The following CUX2 variants were observed in gnomAD, a reference collection of about 807,000 sequenced individuals.
CUX2 encodes the protein homeobox protein cut-like 2.
CUX2 carries 40 observed loss-of-function variants against 144.8 expected under a neutral mutation model. The observed-to-expected ratio is 0.28, with a 90% CI of 0.21 to 0.36. The LOEUF is 0.36. Among genes scored for constraint, CUX2 ranks in the 10% least tolerant of loss-of-function variants. The probability of loss-of-function intolerance (pLI) is 1.00; values close to 1 mark genes in which losing one functional copy is unlikely to be tolerated. For synonymous variants in CUX2, 827 were observed against 875.6 expected, an observed-to-expected ratio of 0.94 and a Z score of 0.98; for missense variants, 1,615 against 1,994.0, an observed-to-expected ratio of 0.81 and a Z score of 3.62.
chr12:111,109,829 C>A (rs1349187556), intron 1 of CUX2, among the ~76,000 whole-genome samples: 1 of 151,968 alleles, frequency 6.6e-6, no homozygotes, highest in Non-Finnish European at 1.5e-5. Context: ...TCTCCAACTT[C>A]TTCATTTAGA....
intron 1 of CUX2, among the ~76,000 whole-genome samples, chr12:111,063,767 A>G (rs1451043453): frequency 6.6e-6 from 1 of 152,222 alleles, no homozygotes; most frequent in Non-Finnish European, 1.5e-5. Context: ...TAGCATCGTA[A>G]TCGCTCCAAA....
In CUX2 at chr12:111,308,433, G is replaced by T. The variant is rs1257218022; in HGVS notation, c.1165G>T (p.Ala389Ser). The T allele has an allele frequency of 1.2e-6, 2 of 1,614,126 alleles. No homozygotes were observed. The highest frequency in any genetic ancestry group is 1.7e-6 in the Non-Finnish European group (2 of 1,180,004). The change falls in exon 14 of 22, where the codon GCC (alanine) becomes TCC (serine). Residue 389 changes from alanine to serine, a missense_variant. Ala to Ser is a moderately conservative substitution (Grantham distance 99). Around this residue, in one of 12 missense-constraint regions of CUX2, gnomAD observed 57 missense variants for 60.8 expected, o/e 0.94. Coordinates refer to ENST00000261726, the MANE Select transcript of CUX2 (RefSeq NM_015267.4). ...CCTGCCTCTTGTCTCCTAGGGCATG[G>T]CCAAGCCTGAAGACTCACTGCTTAT... ...SSTCSLPQGM[A>S]KPEDSLLIAK...
intron 3 of CUX2, among the ~76,000 whole-genome samples, chr12:111,221,786 CTGTG>C (rs148816447): frequency 4.0e-5 from 6 of 150,872 alleles, no homozygotes; most frequent in Non-Finnish European, 8.9e-5. Context: ...TTCTTTCTTT[CTGTG>C]TGTGTGTGTG....
chr12:111,192,134 A>G (rs1479047744), intron 1 of CUX2, among the ~76,000 whole-genome samples: 1 of 151,712 alleles, frequency 6.6e-6, no homozygotes, highest in Non-Finnish European at 1.5e-5. Flanking sequence ...TTATTTATTT[A>G]TTTATTTTTG....
rs111447754 is a variant in CUX2, at chr12:111,178,450, T to A, written c.64-35750T>A. Among the ~76,000 whole-genome samples the A allele has an allele frequency of 5.4e-4, 82 of 152,268 alleles. No individual in the cohort carries two copies. Among genetic ancestry groups the A allele is most frequent in the African/African-American group, 2.0e-3 (82 of 41,564 alleles). ...ACTGGGTTCATCCTTGTTCCACAACTTCCTTGGCTCAAGGGTGGACTTATG... is the reference window on the plus strand; with the variant it reads ...ACTGGGTTCATCCTTGTTCCACAACATCCTTGGCTCAAGGGTGGACTTATG... On this transcript the variant is annotated intron_variant, in intron 1 of 21. Transcript: ENST00000261726. The surrounding 1 kb of genome is among the most constrained non-coding windows in gnomAD (Gnocchi z 5.7).
intron 1 of CUX2, among the ~76,000 whole-genome samples, chr12:111,155,540 A>C: frequency 6.6e-6 from 1 of 152,194 alleles, no homozygotes; most frequent in East Asian, 1.9e-4. Context: ...CAAAATTTTC[A>C]TTGGGAAAAT....
chr12:111,258,612 G>A (rs1002738437), intron 3 of CUX2, among the ~76,000 whole-genome samples: 5 of 151,914 alleles, frequency 3.3e-5, no homozygotes, highest in African/African-American at 1.2e-4. Context: ...AAATCTACAC[G>A]GCTCCTGTCT....
chr12:111,209,868 A>G (rs1592841972), intron 1 of CUX2, among the ~76,000 whole-genome samples: 1 of 152,358 alleles, frequency 6.6e-6, no homozygotes, highest in East Asian at 1.9e-4. Flanking sequence ...CTTCAGGCTC[A>G]TTAAAATTAT....
chr12:111,137,715 A>G (rs187251726), intron 1 of CUX2, among the ~76,000 whole-genome samples: 100 of 152,154 alleles, frequency 6.6e-4, no homozygotes, highest in Admixed American at 4.1e-3. Flanking sequence ...GGGTCTCACT[A>G]TGTTGCCCAA....
intron 1 of CUX2, among the ~76,000 whole-genome samples, chr12:111,062,564 G>A (rs928998257): frequency 1.3e-5 from 2 of 152,144 alleles, no homozygotes; most frequent in Admixed American, 6.5e-5. Context: ...GCCACGTGCC[G>A]GAGATGCCCT....
At chr12:111,098,831 G>C (rs902384990) in intron 1 of CUX2, among the ~76,000 whole-genome samples, 1 of 152,212 alleles carries the variant, frequency 6.6e-6, no homozygotes, top group Non-Finnish European at 1.5e-5. Context: ...GCACAAGCTG[G>C]GTATTCATTT....
At chr12:111,179,211 C>T (rs1879020700) in intron 1 of CUX2, among the ~76,000 whole-genome samples, 1 of 152,170 alleles carries the variant, frequency 6.6e-6, no homozygotes, top group Non-Finnish European at 1.5e-5. Context: ...GGGTCAAGGA[C>T]TTTGGAATGC....
rs12311336 is a variant in CUX2, at chr12:111,266,698, A to C, written c.301+2859A>C. ...TTGGACTTATGGTCCCCAGAACTAC[A>C]AGACAATAAGTGTCTGTTGTTTTCA... On this transcript the variant is annotated intron_variant, in intron 4 of 21. Coordinates refer to ENST00000261726, the MANE Select transcript of CUX2 (RefSeq NM_015267.4). Among the ~76,000 whole-genome samples, 246 of 152,240 alleles carry C rather than the reference A, an allele frequency of 1.6e-3. 1 individual carries two copies. The highest frequency in any genetic ancestry group is 5.3e-3 in the African/African-American group (222 of 41,544).
intron 1 of CUX2, among the ~76,000 whole-genome samples, chr12:111,094,556 G>A (rs954037284): frequency 6.6e-6 from 1 of 152,144 alleles, no homozygotes; most frequent in African/African-American, 2.4e-5. Context: ...TAAGAGCAGT[G>A]GTGCAGTCCC....
chr12:111,216,932 C>T (rs1451896364), intron 2 of CUX2, among the ~76,000 whole-genome samples: 3 of 152,278 alleles, frequency 2.0e-5, no homozygotes, highest in African/African-American at 7.2e-5. Flanking sequence ...CTGGGGCAAC[C>T]CCTCCCCACC....
chr12:111,069,113 A>G (rs1037633156), intron 1 of CUX2, among the ~76,000 whole-genome samples: 2 of 152,118 alleles, frequency 1.3e-5, no homozygotes, highest in African/African-American at 4.8e-5. Flanking sequence ...TAAAAGAAAG[A>G]AAAAAAGGAA....
intron 1 of CUX2, among the ~76,000 whole-genome samples, chr12:111,051,111 C>T (rs79653776): frequency 0.028 from 4,207 of 152,192 alleles, 212 homozygotes; most frequent in African/African-American, 0.097. Flanking sequence ...TAAATATATA[C>T]AAATATTATG....
intron 3 of CUX2, among the ~76,000 whole-genome samples, chr12:111,257,305 A>C (rs1210371853): frequency 2.1e-3 from 101 of 47,948 alleles, no homozygotes; most frequent in Middle Eastern, 0.016. Context: ...TCTTCCTCCC[A>C]CTTCTTCCTC....
At chr12:111,070,255 G>A (rs1871198883) in intron 1 of CUX2, among the ~76,000 whole-genome samples, 1 of 152,116 alleles carries the variant, frequency 6.6e-6, no homozygotes, top group African/African-American at 2.4e-5. Context: ...GGGGTCTCTG[G>A]ACAACCTTCT....
Sources: allele counts gnomAD v4.1 joint callset (sites outside exome capture counted in the v4.1 genomes callset), GRCh38; gene constraint gnomAD v4.1.1; regional missense constraint gnomAD v4.1.1; non-coding constraint Gnocchi (gnomAD v3.1); transcripts MANE v1.5; gene names NCBI Gene and HGNC (gene_info 2026-07-23, HGNC 2026-07-21).